The following USP31 variants were observed in gnomAD, a reference collection of about 807,000 sequenced individuals.
The protein encoded by USP31 is ubiquitin carboxyl-terminal hydrolase 31.
A neutral mutation model predicts 119.4 loss-of-function variants in USP31; 44 were observed. The observed-to-expected ratio is 0.37, with a 90% CI of 0.29 to 0.47. The LOEUF is 0.47. Among genes scored for constraint, USP31 ranks in the 20% least tolerant of loss-of-function variants. USP31 has a pLI of 0.99. For synonymous variants in USP31, 749 were observed against 705.6 expected (o/e 1.06, Z -0.97); for missense variants, 1,643 against 1,730.2 (o/e 0.95, Z 0.89).
chr16:23,137,590 A>G (rs1903231118), intron 1 of USP31, among the ~76,000 whole-genome samples: 1 of 151,434 alleles, frequency 6.6e-6, no homozygotes, highest in African/African-American at 2.4e-5. Context: ...TACATAATAT[A>G]ACACATGACA....
At position 23,137,206 on chromosome 16, in the gene USP31, C is replaced by G. The variant is rs926265383; in HGVS notation, c.633+11432G>C. Among the ~76,000 whole-genome samples the G allele has an allele frequency of 6.6e-5, 10 of 152,180 alleles. No homozygotes were observed. In the East Asian group the frequency reaches 1.2e-3, roughly 18 times the overall value. On this transcript the variant is annotated intron_variant, in intron 1 of 15. Transcript: ENST00000219689. The stretch of plus-strand genomic sequence containing the variant: ...CCAACCTGAGTGACAGAGCAAGACC[C>G]TGTCTCAAACAAACAAACAAAAAAA...
Position 23,068,426 on chromosome 16 carries a change from A to T in USP31, c.3679T>A (p.Ser1227Thr). The T allele has an allele frequency of 3.7e-6, 6 of 1,613,756 alleles. No homozygotes were observed. Among genetic ancestry groups the T allele is most frequent in the Non-Finnish European group, 5.1e-6 (6 of 1,180,034 alleles). ...RDSKSEDKGL[S>T]FFKSALRQKE... is the part of the protein sequence containing the mutation. Reference sequence around the variant, plus strand: ...TGTCTCAAGGCTGATTTGAAGAAGGACAGCCCCTTGTCCTCAGACTTGCTG... The same window carrying T: ...TGTCTCAAGGCTGATTTGAAGAAGGTCAGCCCCTTGTCCTCAGACTTGCTG... Residue 1227 changes from serine to threonine, a missense_variant, in exon 16 of 16, where the codon TCC becomes ACC. Ser to Thr is a moderately conservative substitution (Grantham distance 58). Transcript: ENST00000219689.
At chr16:23,138,818 G>A (rs1903266767) in intron 1 of USP31, among the ~76,000 whole-genome samples, 2 of 152,122 alleles carry the variant, frequency 1.3e-5, no homozygotes, top group African/African-American at 4.8e-5. Context: ...ACACGGAGCA[G>A]GTATTGTTTC....
At chr16:23,099,989 C>G (rs1336350149) in intron 6 of USP31, among the ~76,000 whole-genome samples, 2 of 152,148 alleles carry the variant, frequency 1.3e-5, no homozygotes, top group African/African-American at 4.8e-5. Flanking sequence ...CCACTTCATA[C>G]CCACTACAAT....
intron 13 of USP31, among the ~76,000 whole-genome samples, chr16:23,077,892 A>G (rs1399440362): frequency 6.6e-6 from 1 of 152,246 alleles, no homozygotes; most frequent in Admixed American, 6.5e-5. Flanking sequence ...AAAAAAAGTG[A>G]AAGAGCATAA....
At chr16:23,070,651 T>A (rs761895940) in intron 15 of USP31, among the ~76,000 whole-genome samples, 18 of 151,712 alleles carry the variant, frequency 1.2e-4, no homozygotes, top group Admixed American at 2.6e-4. Flanking sequence ...TAGGCGGAGC[T>A]TGCAGTGAGC....
intron 1 of USP31, among the ~76,000 whole-genome samples, chr16:23,109,022 T>C (rs937457408): frequency 6.6e-6 from 1 of 152,164 alleles, no homozygotes; most frequent in African/African-American, 2.4e-5. Context: ...TGGTGATGGA[T>C]GCCAAGTTTC....
chr16:23,070,711 TAAA>T (rs34018986), intron 15 of USP31, among the ~76,000 whole-genome samples: 2 of 146,194 alleles, frequency 1.4e-5, no homozygotes, highest in Admixed American at 6.8e-5. Context: ...AGACTCCGTT[TAAA>T]AAAAAAAAAA....
In USP31 at chr16:23,068,140, G is replaced by C. The variant is rs752774550; in HGVS notation, c.3965C>G (p.Ser1322Trp). The change falls in exon 16 of 16, where the codon TCG (serine) becomes TGG (tryptophan). Residue 1322 changes from serine to tryptophan, a missense_variant. Around this residue, in one of 5 missense-constraint regions of USP31, gnomAD observed 699 missense variants for 650.9 expected, o/e 1.07. Coordinates refer to ENST00000219689, the MANE Select transcript of USP31 (RefSeq NM_020718.4). ...TGCAGACTGCCTGCCACCCGGAGAC[G>C]AGGGAACTCCAGAGTCTAGTTGGGA... ...KSSQLDSGVP[S>W]SPGGRQSAEK... 6.2e-7 allele frequency: 1 copy of C among 1,614,204 alleles called. No homozygotes were observed. The highest frequency in any genetic ancestry group is 1.7e-5 in the Admixed American group (1 of 60,026).
chr16:23,144,088 C>T (rs1903436795), intron 1 of USP31, among the ~76,000 whole-genome samples: 1 of 152,106 alleles, frequency 6.6e-6, no homozygotes, highest in South Asian at 2.1e-4. Context: ...ACCATCTAGC[C>T]CATCCAAAAC....
At position 23,065,211 on chromosome 16, in the gene USP31, A is replaced by G. The variant is rs967281488; in HGVS notation, c.*2835T>C. ...GTGCCTACCAGGAGATGACTGCTCT[A>G]ATCAGGCCCATCTAGATGTCAACGA... On this transcript the variant is annotated 3_prime_UTR_variant, in exon 16 of 16. Transcript: ENST00000219689. 6.6e-6 allele frequency: 1 copy of G among 152,138 alleles called. No homozygotes were observed. The highest frequency in any genetic ancestry group is 2.1e-4 in the South Asian group (1 of 4,828). 9.4% of individuals were successfully genotyped at this position (152,138 alleles called of 1,614,324 possible).
chr16:23,077,151 T>C (rs1900611765), intron 13 of USP31, among the ~76,000 whole-genome samples: 1 of 152,222 alleles, frequency 6.6e-6, no homozygotes, highest in Non-Finnish European at 1.5e-5. Flanking sequence ...AGAGCATCTT[T>C]CAAACTTCTC....
In USP31 at chr16:23,068,940, A is replaced by T; in HGVS notation, c.3165T>A (p.Ser1055Arg). The T allele has an allele frequency of 6.2e-7, 1 of 1,614,116 alleles. No homozygotes were observed. Among genetic ancestry groups the T allele is most frequent in the Non-Finnish European group, 8.5e-7 (1 of 1,180,004 alleles). The change falls in exon 16 of 16, where the codon AGT (serine) becomes AGA (arginine). Residue 1055 changes from serine to arginine, a missense_variant. By Grantham distance (110) the Ser-to-Arg change is moderately radical. Around this residue, in one of 5 missense-constraint regions of USP31, gnomAD observed 699 missense variants for 650.9 expected, o/e 1.07. Coordinates refer to ENST00000219689, the MANE Select transcript of USP31 (RefSeq NM_020718.4). Reference sequence around the variant, plus strand: ...CAGGAAGAGGAGAAGAAGGGGATGTACTTGAAAGGGATGACTCCTGGCTTG... The same window carrying T: ...CAGGAAGAGGAGAAGAAGGGGATGTTCTTGAAAGGGATGACTCCTGGCTTG... ...ALASQESSLS[S>R]TSPSSPLPVK...
At chr16:23,102,551 A>T in intron 5 of USP31, 88 bp from the exon 6 acceptor site, 1 of 1,434,210 alleles carries the variant, frequency 7.0e-7, no homozygotes, top group Non-Finnish European at 9.3e-7. Flanking sequence ...CCAGACCATC[A>T]GGACTGGCAG....
At chr16:23,089,122 T>C (rs1419151386) in intron 7 of USP31, among the ~76,000 whole-genome samples, 1 of 152,200 alleles carries the variant, frequency 6.6e-6, no homozygotes, top group Admixed American at 6.5e-5. Context: ...CACAGGTTCT[T>C]TACTTCATTC....
rs191108932 is a variant in USP31 at position 23,067,167 on chromosome 16, G to C, written c.*879C>G. On this transcript the variant is annotated 3_prime_UTR_variant, in exon 16 of 16. Transcript: ENST00000219689. Reference sequence around the variant, plus strand: ...AAGTTTTTTCCAGGAATCTGTCAAAGGTGTTAACTGCTCTACTACAGTGCA... The same window carrying C: ...AAGTTTTTTCCAGGAATCTGTCAAACGTGTTAACTGCTCTACTACAGTGCA... 1 of 152,734 alleles carries C rather than the reference G, an allele frequency of 6.5e-6. No individual in the cohort carries two copies. Among genetic ancestry groups the C allele is most frequent in the African/African-American group, 2.4e-5 (1 of 41,568 alleles). The allele number at this position is 152,734 out of a possible 1,614,324, so 9.5% of individuals were successfully genotyped here.
chr16:23,092,311 G>T (rs977459369), intron 6 of USP31, among the ~76,000 whole-genome samples: 4 of 152,160 alleles, frequency 2.6e-5, no homozygotes, highest in African/African-American at 9.7e-5. Flanking sequence ...AAGCAACTGG[G>T]GTGGGAACAG....
In USP31 at chr16:23,069,303, G is replaced by A; in HGVS notation, c.2802C>T (p.His934=). The change falls in exon 16 of 16, where the codon CAC becomes CAT. Residue 934 remains histidine (H), a synonymous_variant. Transcript: ENST00000219689. ...CCAGAGGGGCCCGGCCCACAGCCTT[G>A]TGCTCACGGCGACTATGACTGTCGC... The part of the protein sequence containing the change: ...EPSDSHSRRE[H]KAVGRAPLAV... The A allele has an allele frequency of 6.2e-7, 1 of 1,609,182 alleles. No homozygotes were observed. Among genetic ancestry groups the A allele is most frequent in the Non-Finnish European group, 8.5e-7 (1 of 1,177,534 alleles).
At chr16:23,091,035 A>G (rs1403331941) in intron 6 of USP31, among the ~76,000 whole-genome samples, 1 of 152,212 alleles carries the variant, frequency 6.6e-6, no homozygotes, top group Non-Finnish European at 1.5e-5. Context: ...TTAAAAACTG[A>G]AAATTAAAAC....
Sources: gnomAD v4.1 joint callset for allele counts (sites outside exome capture counted in the v4.1 genomes callset) on GRCh38, gnomAD v4.1.1 for gene constraint, gnomAD v4.1.1 regional missense constraint, MANE v1.5 for transcripts, NCBI Gene and HGNC (gene_info 2026-07-23, HGNC 2026-07-21) for gene names.